The following TEAD4 variants were observed in gnomAD, a reference collection of about 807,000 sequenced individuals.
TEAD4 encodes TEA domain transcription factor 4, also known as transcriptional enhancer factor TEF-3.
A neutral mutation model predicts 52.4 loss-of-function variants in TEAD4; 36 were observed. The observed-to-expected ratio is 0.69, with a 90% confidence interval of 0.53 to 0.91. TEAD4 has a LOEUF of 0.91. Ranked by LOEUF, TEAD4 falls within the 40% of genes least tolerant of loss-of-function variation. The pLI is 0.00. For missense variants in TEAD4, 508 were observed against 583.9 expected, an observed-to-expected ratio of 0.87 and a Z score of 1.34; for synonymous variants, 220 against 231.0, an observed-to-expected ratio of 0.95 and a Z score of 0.43.
Position 3,040,411 on chromosome 12 carries a change from A to T in TEAD4, c.1238A>T (p.Tyr413Phe). The T allele has an allele frequency of 6.2e-7, 1 of 1,614,034 alleles. No individual in the cohort carries two copies. Among genetic ancestry groups the T allele is most frequent in the Non-Finnish European group, 8.5e-7 (1 of 1,180,014 alleles). ...CAGGAGACCTTGCTGTGCATTGCCT[A>T]TGTCTTTGAGGTGTCAGCCAGTGAG... Residue 413 changes from tyrosine to phenylalanine, a missense_variant, in exon 13 of 13, where the codon TAT (tyrosine) becomes TTT (phenylalanine). Coordinates refer to ENST00000359864, the MANE Select transcript of TEAD4 (RefSeq NM_003213.4).
chr12:2,992,081 C>G (rs2098243585), intron 2 of TEAD4, among the ~76,000 whole-genome samples: 1 of 147,502 alleles, frequency 6.8e-6, no homozygotes, highest in African/African-American at 2.5e-5. Context: ...TGTAGTGGCA[C>G]CATCTTGGCC....
chr12:3,003,086 G>C (rs990873920), intron 3 of TEAD4, among the ~76,000 whole-genome samples: 2 of 152,140 alleles, frequency 1.3e-5, no homozygotes, highest in South Asian at 4.1e-4. Flanking sequence ...GGGTGGGGCA[G>C]CAAGGATGTG....
chr12:2,961,492 G>C (rs2098215280), intron 2 of TEAD4, among the ~76,000 whole-genome samples: 1 of 152,018 alleles, frequency 6.6e-6, no homozygotes, highest in Admixed American at 6.6e-5. Context: ...TCACCTCTTC[G>C]GCCTGGTGTG....
intron 2 of TEAD4, among the ~76,000 whole-genome samples, chr12:2,984,628 C>G (rs2098236620): frequency 6.6e-6 from 1 of 152,156 alleles, no homozygotes; most frequent in Non-Finnish European, 1.5e-5. Context: ...ATGGTATAGC[C>G]TACGACACAC....
At chr12:3,011,159 G>A (rs929787120) in intron 4 of TEAD4, 91 bp downstream of exon 4, 5 of 1,386,532 alleles carry the variant, frequency 3.6e-6, no homozygotes, top group East Asian at 4.6e-5. Context: ...AGGACCAGAC[G>A]CAGGCTTTTG....
At chr12:2,995,151 G>A (rs1250704623) in intron 3 of TEAD4, among the ~76,000 whole-genome samples, 159 bp downstream of exon 3, 1 of 152,130 alleles carries the variant, frequency 6.6e-6, no homozygotes, top group African/African-American at 2.4e-5. Context: ...AGGGATGGGG[G>A]CATCTGAGGA....
intron 8 of TEAD4, among the ~76,000 whole-genome samples, chr12:3,019,666 C>T (rs1565546087): frequency 6.6e-6 from 1 of 152,132 alleles, no homozygotes; most frequent in African/African-American, 2.4e-5. Context: ...GCTCTGTCCT[C>T]GTCTCTTTCT....
chr12:3,005,538 C>T (rs1565539136), intron 3 of TEAD4, among the ~76,000 whole-genome samples: 1 of 151,938 alleles, frequency 6.6e-6, no homozygotes, highest in African/African-American at 2.4e-5. Flanking sequence ...GCTCTATCGC[C>T]CAGGCTGGAG....
At chr12:3,018,086 C>A (rs536464775) in intron 6 of TEAD4, among the ~76,000 whole-genome samples, 2 of 152,352 alleles carry the variant, frequency 1.3e-5, no homozygotes, top group Admixed American at 6.5e-5. Flanking sequence ...TTCAAGGCAC[C>A]TGCAGCACCG....
At chr12:2,966,841 G>A (rs1194415706) in intron 2 of TEAD4, among the ~76,000 whole-genome samples, 1 of 152,070 alleles carries the variant, frequency 6.6e-6, no homozygotes, top group Non-Finnish European at 1.5e-5. Flanking sequence ...TGAGTAGCTG[G>A]GATTACAGGC....
At chr12:3,007,830 T>C (rs1387122542) in intron 3 of TEAD4, among the ~76,000 whole-genome samples, 3 of 152,216 alleles carry the variant, frequency 2.0e-5, no homozygotes. Flanking sequence ...AAAAGTTCAA[T>C]GAGACCAGGA....
chr12:2,972,491 C>CTTTTTT (rs751852771), intron 2 of TEAD4, among the ~76,000 whole-genome samples: 5 of 34,794 alleles, frequency 1.4e-4, no homozygotes, highest in African/African-American at 3.7e-4. Flanking sequence ...CAGCATGTCT[C>CTTTTTT]TTTTTTTTTT....
intron 3 of TEAD4, among the ~76,000 whole-genome samples, chr12:3,006,462 G>C (rs757367738): frequency 5.3e-5 from 8 of 152,204 alleles, no homozygotes; most frequent in Non-Finnish European, 1.0e-4. Context: ...GGGAGGTTGA[G>C]GTGGGCAGAT....
chr12:2,995,682 T>G (rs952051730), intron 3 of TEAD4, among the ~76,000 whole-genome samples: 1 of 151,898 alleles, frequency 6.6e-6, no homozygotes, highest in African/African-American at 2.4e-5. Flanking sequence ...CACGATGACT[T>G]TTGGATGGAA....
At chr12:2,973,614 C>A (rs555742877) in intron 2 of TEAD4, among the ~76,000 whole-genome samples, 44 of 152,274 alleles carry the variant, frequency 2.9e-4, no homozygotes, top group African/African-American at 9.9e-4. Context: ...GTCACGGGGC[C>A]TTCCAAGAAG....
Position 2,994,879 on chromosome 12 carries a change from A to G in TEAD4, c.113A>G (p.Asp38Gly), listed in dbSNP as rs1429257676. 8 of 1,614,142 alleles carry G rather than the reference A, an allele frequency of 5.0e-6. No individual in the cohort carries two copies. Among genetic ancestry groups the G allele is most frequent in the Non-Finnish European group, 5.9e-6 (7 of 1,180,030 alleles). ...GCACTGGACAAGCCCATCGACAATGACGCAGAGGGCGTGTGGAGCCCGGAT... is the reference window on the plus strand; with the variant it reads ...GCACTGGACAAGCCCATCGACAATGGCGCAGAGGGCGTGTGGAGCCCGGAT... Residue 38 changes from aspartate to glycine, a missense_variant, in exon 3 of 13, where the codon GAC becomes GGC. Asp to Gly is a moderately conservative substitution (Grantham distance 94). Coordinates refer to ENST00000359864, the MANE Select transcript of TEAD4 (RefSeq NM_003213.4). This position sits in a 1 kb window ranked among gnomAD's most constrained non-coding sequence, Gnocchi z 4.7.
intron 3 of TEAD4, among the ~76,000 whole-genome samples, chr12:2,996,756 C>T (rs187018873): frequency 6.6e-6 from 1 of 152,176 alleles, no homozygotes; most frequent in African/African-American, 2.4e-5. Context: ...TGCTCTGTCG[C>T]CCAGGCTGGA....
rs777328851 is a variant in TEAD4 at position 2,994,949 on chromosome 12, T to G, written c.183T>G (p.Cys61Trp). 6.2e-7 allele frequency: 1 copy of G among 1,614,128 alleles called. No homozygotes were observed. Among genetic ancestry groups the G allele is most frequent in the Non-Finnish European group, 8.5e-7 (1 of 1,180,016 alleles). ...AGGCCCTCGCCATCTACCCGCCCTG[T>G]GGCAGGCGCAAAATCATCCTGTCGG... The change falls in exon 3 of 13, where the codon TGT (cysteine) becomes TGG (tryptophan). Residue 61 changes from cysteine to tryptophan, a missense_variant. Transcript: ENST00000359864. The surrounding 1 kb of genome is among the most constrained non-coding windows in gnomAD (Gnocchi z 4.7).
chr12:3,033,957 G>A (rs1031211106), intron 10 of TEAD4, among the ~76,000 whole-genome samples: 1 of 151,462 alleles, frequency 6.6e-6, no homozygotes, highest in East Asian at 1.9e-4. Flanking sequence ...GTGCTCTGGG[G>A]CGGTTCGTCC....
Sources: allele counts gnomAD v4.1 joint callset (sites outside exome capture counted in the v4.1 genomes callset), GRCh38; gene constraint gnomAD v4.1.1; non-coding constraint Gnocchi (gnomAD v3.1); transcripts MANE v1.5; gene names NCBI Gene and HGNC (gene_info 2026-07-23, HGNC 2026-07-21).